Variants in PIK3CB observed in about 807,000 individuals in gnomAD.
PIK3CB encodes the protein phosphatidylinositol 4,5-bisphosphate 3-kinase catalytic subunit beta isoform.
PIK3CB carries 39 observed loss-of-function variants against 136.8 expected under a neutral mutation model. That is an observed-to-expected ratio of 0.29 (90% confidence interval 0.22 to 0.37). PIK3CB has a LOEUF of 0.37. Among genes scored for constraint, PIK3CB ranks in the 10% least tolerant of loss-of-function variants. The probability of loss-of-function intolerance (pLI) is 1.00; values close to 1 mark genes in which losing one functional copy is unlikely to be tolerated. For synonymous variants in PIK3CB, 428 were observed against 436.6 expected, an observed-to-expected ratio of 0.98 and a Z score of 0.25; for missense variants, 868 against 1,275.4, an observed-to-expected ratio of 0.68 and a Z score of 4.87.
chr3:138,726,488 C>T (rs778109059), intron 8 of PIK3CB, among the ~76,000 whole-genome samples: 5 of 152,132 alleles, frequency 3.3e-5, no homozygotes, highest in Admixed American at 6.5e-5. Flanking sequence ...TGCCTGTCCC[C>T]GCTTCTCCTG....
chr3:138,754,364 AG>A (rs919095569), intron 4 of PIK3CB, among the ~76,000 whole-genome samples: 6 of 152,008 alleles, frequency 3.9e-5, no homozygotes, highest in African/African-American at 1.4e-4. Context: ...CTTGCGACTG[AG>A]GGTCGAGTCA....
chr3:138,735,360 T>C (rs2045081538), intron 6 of PIK3CB, among the ~76,000 whole-genome samples: 1 of 152,166 alleles, frequency 6.6e-6, no homozygotes, highest in African/African-American at 2.4e-5. Context: ...GCTAATCTCA[T>C]TACACTCATT....
chr3:138,781,048 G>A (rs1412186427), intron 2 of PIK3CB, among the ~76,000 whole-genome samples: 2 of 152,122 alleles, frequency 1.3e-5, no homozygotes, highest in African/African-American at 4.8e-5. Flanking sequence ...CCAGCACTCT[G>A]GGAGGCCAAG....
intron 6 of PIK3CB, among the ~76,000 whole-genome samples, chr3:138,737,391 T>C (rs511207): frequency 0.49 from 42,750 of 86,714 alleles, 10,881 homozygotes; most frequent in East Asian, 0.97. Flanking sequence ...CAACACTCTG[T>C]CTCAAAAAAA....
intron 8 of PIK3CB, among the ~76,000 whole-genome samples, chr3:138,726,727 T>C (rs1431633646): frequency 6.6e-6 from 1 of 151,930 alleles, no homozygotes; most frequent in Non-Finnish European, 1.5e-5. Flanking sequence ...TTAATTAAGA[T>C]GTACACATGA....
intron 19 of PIK3CB, among the ~76,000 whole-genome samples, chr3:138,667,920 T>TA (rs2043450166): frequency 6.6e-6 from 1 of 151,436 alleles, no homozygotes; most frequent in Non-Finnish European, 1.5e-5. Flanking sequence ...TACAAAAAAT[T>TA]AGCCAGGCAT....
In PIK3CB at chr3:138,787,889, G is replaced by A. The variant is rs2045999514; in HGVS notation, c.-17+8574C>T. ...TTAAGGCCCCAGAATTTTAATTCCT[G>A]TGAAAATCTCTCACTAAAATTTAAC... On this transcript the variant is annotated intron_variant, in intron 2 of 23. Transcript: ENST00000674063. 2.0e-5 allele frequency among the ~76,000 whole-genome samples: 3 copies of A among 149,620 alleles called. No individual in the cohort carries two copies. The South Asian group carries it at 6.4e-4, about 32-fold the overall frequency.
At chr3:138,830,485 G>A (rs1045747273) in intron 1 of PIK3CB, among the ~76,000 whole-genome samples, 2 of 152,044 alleles carry the variant, frequency 1.3e-5, no homozygotes, top group African/African-American at 2.4e-5. Context: ...CCCGGGAGGC[G>A]GAGGTTGCAG....
rs2043160997 is a variant in PIK3CB, at chr3:138,654,539, G to A, written c.*850C>T. 1 of 227,774 alleles carries A rather than the reference G, an allele frequency of 4.4e-6. No individual in the cohort carries two copies. The highest frequency in any genetic ancestry group is 2.2e-5 in the African/African-American group (1 of 45,012). The allele number at this position is 227,774 out of a possible 1,614,324, so 14.1% of individuals were successfully genotyped here. On this transcript the variant is annotated 3_prime_UTR_variant, in exon 24 of 24. Transcript: ENST00000674063. The stretch of plus-strand genomic sequence containing the variant: ...CATTTGCTCAAGTATTATTCTCTAT[G>A]AAGTGAACTCTTTCATAGATACCAT...
chr3:138,672,254 A>C (rs560737004), intron 19 of PIK3CB, among the ~76,000 whole-genome samples: 2 of 152,246 alleles, frequency 1.3e-5, no homozygotes, highest in African/African-American at 4.8e-5. Flanking sequence ...TCTACCCCAG[A>C]AACTGGGTAG....
intron 2 of PIK3CB, among the ~76,000 whole-genome samples, chr3:138,781,737 G>A (rs1293776911): frequency 1.3e-5 from 2 of 152,128 alleles, no homozygotes; most frequent in Non-Finnish European, 2.9e-5. Flanking sequence ...TTACAGGCGT[G>A]TGCCACCGTG....
At chr3:138,703,616 ATAGATATAGATATATAGATG>A (rs1259819393) in intron 12 of PIK3CB, among the ~76,000 whole-genome samples, 4 of 151,908 alleles carry the variant, frequency 2.6e-5, no homozygotes, top group African/African-American at 9.7e-5. Flanking sequence ...AAATGTAGAT[ATAGATATAGATATATAGATG>A]TAGATATAGA....
At position 138,665,167 on chromosome 3, in the gene PIK3CB, G is replaced by A. The variant is rs199840043; in HGVS notation, c.2541C>T (p.Arg847=). ...LPYGCLATGD[R]SGLIEVVSTS... ...TGCTCACAACTTCAATGAGGCCAGA[G>A]CGATCTCCTGTTGCTAAACAGCCAT... Residue 847 remains arginine (R), a synonymous_variant, in exon 20 of 24, where the codon CGC becomes CGT. Transcript: ENST00000674063. The A allele has an allele frequency of 1.2e-6, 2 of 1,610,636 alleles. No individual in the cohort carries two copies. Among genetic ancestry groups the A allele is most frequent in the East Asian group, 2.2e-5 (1 of 44,800 alleles).
At chr3:138,816,000 T>C (rs1289597882) in intron 1 of PIK3CB, among the ~76,000 whole-genome samples, 1 of 152,172 alleles carries the variant, frequency 6.6e-6, no homozygotes, top group Non-Finnish European at 1.5e-5. Context: ...TTGAATAAGG[T>C]AGTTAAAAAC....
intron 20 of PIK3CB, among the ~76,000 whole-genome samples, chr3:138,664,354 T>C (rs1162890897): frequency 6.6e-6 from 1 of 152,068 alleles, no homozygotes; most frequent in Non-Finnish European, 1.5e-5. Context: ...ATGCTAGGGG[T>C]TGGGCACATT....
chr3:138,790,830 GA>G (rs2046040352), intron 2 of PIK3CB, among the ~76,000 whole-genome samples: 1 of 140,582 alleles, frequency 7.1e-6, no homozygotes, highest in South Asian at 2.3e-4. Context: ...AAAAAAAAAA[GA>G]AAAAACCCTG....
chr3:138,827,963 G>A (rs1393161938), intron 1 of PIK3CB, among the ~76,000 whole-genome samples: 1 of 151,538 alleles, frequency 6.6e-6, no homozygotes, highest in East Asian at 2.0e-4. Flanking sequence ...ACTCCAACCT[G>A]GGTGACAGAG....
At chr3:138,763,825 G>A (rs1181311852) in intron 2 of PIK3CB, among the ~76,000 whole-genome samples, 3 of 152,126 alleles carry the variant, frequency 2.0e-5, no homozygotes, top group African/African-American at 7.2e-5. Context: ...AAAATTTCTT[G>A]ATGAAGGCCA....
intron 19 of PIK3CB, among the ~76,000 whole-genome samples, chr3:138,680,006 G>A (rs1184582444): frequency 1.3e-5 from 2 of 149,384 alleles, no homozygotes; most frequent in Non-Finnish European, 3.0e-5. Context: ...TAGAAGCCCA[G>A]CTGAAACCAT....
Sources: gnomAD v4.1 joint callset for allele counts (sites outside exome capture counted in the v4.1 genomes callset) on GRCh38, gnomAD v4.1.1 for gene constraint, MANE v1.5 for transcripts, NCBI Gene and HGNC (gene_info 2026-07-23, HGNC 2026-07-21) for gene names.